The following FBXL7 variants were observed in gnomAD, a reference collection of about 807,000 sequenced individuals.
The protein encoded by FBXL7 is F-box and leucine rich repeat protein 7, also known as F-box/LRR-repeat protein 7.
Under a neutral mutation model 38.3 loss-of-function variants are expected in FBXL7, and 12 were observed. That is an observed-to-expected ratio of 0.31 (90% CI 0.20 to 0.51). FBXL7 has a LOEUF of 0.51. Ranked by LOEUF, FBXL7 falls within the 20% of genes least tolerant of loss-of-function variation. The probability of loss-of-function intolerance (pLI) is 0.98; values close to 1 mark genes in which losing one functional copy is unlikely to be tolerated. For missense variants in FBXL7, 567 were observed against 676.4 expected (o/e 0.84, Z 1.79); for synonymous variants, 297 against 300.9 (o/e 0.99, Z 0.13).
At chr5:15,569,227 G>A (rs1339184117) in intron 1 of FBXL7, among the ~76,000 whole-genome samples, 1 of 152,128 alleles carries the variant, frequency 6.6e-6, no homozygotes, top group African/African-American at 2.4e-5. Flanking sequence ...TATGAGCATG[G>A]AATGTTCTTC....
chr5:15,602,689 C>T (rs1284770980), intron 1 of FBXL7, among the ~76,000 whole-genome samples: 1 of 151,996 alleles, frequency 6.6e-6, no homozygotes, highest in African/African-American at 2.4e-5. Context: ...AACCCTTTGA[C>T]CTTGGACAAG....
chr5:15,797,811 G>T (rs150579505), intron 2 of FBXL7, among the ~76,000 whole-genome samples: 6 of 151,886 alleles, frequency 4.0e-5, no homozygotes, highest in African/African-American at 1.5e-4. Context: ...CGAGAAATTT[G>T]TGACGTCTGT....
At chr5:15,613,197 A>G (rs1411565176) in intron 1 of FBXL7, among the ~76,000 whole-genome samples, 1 of 152,206 alleles carries the variant, frequency 6.6e-6, no homozygotes, top group Non-Finnish European at 1.5e-5. Flanking sequence ...GACTCAAAGA[A>G]TTATAGACTG....
At chr5:15,884,416 G>A (rs980749396) in intron 2 of FBXL7, among the ~76,000 whole-genome samples, 1 of 151,952 alleles carries the variant, frequency 6.6e-6, no homozygotes, top group African/African-American at 2.4e-5. Context: ...ACAGGTACCT[G>A]CTACCACGCC....
chr5:15,831,264 A>G (rs908042914), intron 2 of FBXL7, among the ~76,000 whole-genome samples: 1 of 152,164 alleles, frequency 6.6e-6, no homozygotes, highest in Non-Finnish European at 1.5e-5. Context: ...GGAGTAGACA[A>G]GGCATTTTTC....
intron 2 of FBXL7, among the ~76,000 whole-genome samples, chr5:15,649,672 C>T (rs1004348583): frequency 6.6e-6 from 1 of 151,632 alleles, no homozygotes; most frequent in African/African-American, 2.4e-5. Context: ...CATGACTGAT[C>T]TGCAAATCTT....
rs746642404 is a variant in FBXL7 at position 15,928,187 on chromosome 5, G to A, written c.425G>A (p.Arg142His). Reference protein sequence around the residue: ...NQLCRCARVCRRWYNLAWDPR... With the variant: ...NQLCRCARVCHRWYNLAWDPR... ...CTGTGCCGCTGCGCGCGAGTGTGCC[G>A]CCGCTGGTACAACCTGGCCTGGGAC... The change falls in exon 3 of 4, where the codon CGC becomes CAC. Residue 142 changes from arginine to histidine, a missense_variant. Transcript: ENST00000504595. The surrounding 1 kb of genome is among the most constrained non-coding windows in gnomAD (Gnocchi z 4.0). 165 of 1,609,190 alleles carry A rather than the reference G, an allele frequency of 1.0e-4. No individual in the cohort carries two copies. The highest frequency in any genetic ancestry group is 1.9e-4 in the Admixed American group (11 of 59,388).
intron 1 of FBXL7, among the ~76,000 whole-genome samples, chr5:15,511,660 G>T (rs570299579): frequency 6.6e-6 from 1 of 152,146 alleles, no homozygotes; most frequent in Non-Finnish European, 1.5e-5. Context: ...AAATTATAAG[G>T]CATTTCAGGA....
At chr5:15,906,511 AAAT>A (rs1289147544) in intron 2 of FBXL7, among the ~76,000 whole-genome samples, 14 of 147,998 alleles carry the variant, frequency 9.5e-5, no homozygotes, top group African/African-American at 3.6e-4. Flanking sequence ...GATCCACAAA[AAAT>A]TTTTTTTTTT....
At chr5:15,812,718 G>A (rs1336850844) in intron 2 of FBXL7, among the ~76,000 whole-genome samples, 1 of 151,952 alleles carries the variant, frequency 6.6e-6, no homozygotes, top group Non-Finnish European at 1.5e-5. Context: ...AAATTACTTT[G>A]GGCAGTATGG....
intron 2 of FBXL7, among the ~76,000 whole-genome samples, chr5:15,702,252 AAT>A: frequency 6.6e-6 from 1 of 151,952 alleles, no homozygotes; most frequent in Admixed American, 6.6e-5. Context: ...AAAAAAAAAA[AAT>A]TCACAGCTCT....
chr5:15,681,717 C>G (rs952094643), intron 2 of FBXL7, among the ~76,000 whole-genome samples: 87 of 152,300 alleles, frequency 5.7e-4, no homozygotes, highest in African/African-American at 1.9e-3. Flanking sequence ...ATACAGCCAT[C>G]TATACTTTGA....
chr5:15,753,912 T>C (rs1736222005), intron 2 of FBXL7, among the ~76,000 whole-genome samples: 1 of 152,246 alleles, frequency 6.6e-6, no homozygotes, highest in Non-Finnish European at 1.5e-5. Flanking sequence ...AGATATAGGC[T>C]CTAGCCTTGA....
chr5:15,573,175 A>C (rs991233728), intron 1 of FBXL7, among the ~76,000 whole-genome samples: 1 of 152,216 alleles, frequency 6.6e-6, no homozygotes, highest in East Asian at 1.9e-4. Context: ...AAAGGGAGAC[A>C]GTACAAATGT....
chr5:15,566,279 C>T (rs188248780), intron 1 of FBXL7, among the ~76,000 whole-genome samples: 5 of 152,216 alleles, frequency 3.3e-5, no homozygotes, highest in South Asian at 2.1e-4. Context: ...GGGCTTTCCC[C>T]GGCCTGTGCT....
intron 1 of FBXL7, among the ~76,000 whole-genome samples, chr5:15,605,475 C>G (rs1739975513): frequency 6.6e-6 from 1 of 152,008 alleles, no homozygotes. Flanking sequence ...GTGGAATAAG[C>G]TAGATACAGA....
intron 2 of FBXL7, among the ~76,000 whole-genome samples, chr5:15,805,086 G>T (rs1167294925): frequency 6.6e-6 from 1 of 152,108 alleles, no homozygotes; most frequent in Non-Finnish European, 1.5e-5. Context: ...TATCATAACT[G>T]CCTTTTCTCA....
At chr5:15,571,196 A>G (rs1436682584) in intron 1 of FBXL7, among the ~76,000 whole-genome samples, 1 of 152,082 alleles carries the variant, frequency 6.6e-6, no homozygotes, top group East Asian at 1.9e-4. Flanking sequence ...AGACCTAACC[A>G]TGAGTTTGAC....
intron 2 of FBXL7, among the ~76,000 whole-genome samples, chr5:15,772,606 T>C (rs1250195346): frequency 6.6e-6 from 1 of 152,164 alleles, no homozygotes; most frequent in Non-Finnish European, 1.5e-5. Flanking sequence ...TCTAAGTCTA[T>C]TAAAATGGAA....
Sources: allele counts gnomAD v4.1 joint callset (sites outside exome capture counted in the v4.1 genomes callset), GRCh38; gene constraint gnomAD v4.1.1; non-coding constraint Gnocchi (gnomAD v3.1); transcripts MANE v1.5; gene names NCBI Gene and HGNC (gene_info 2026-07-23, HGNC 2026-07-21).